The following DENND5B variants were observed in gnomAD, a reference collection of about 807,000 sequenced individuals.
The protein encoded by DENND5B is DENN domain containing 5B.
DENND5B carries 34 observed loss-of-function variants against 140.6 expected under a neutral mutation model. That is an observed-to-expected ratio of 0.24 (90% CI 0.18 to 0.32). The LOEUF (loss-of-function observed/expected upper bound fraction) is 0.32, where lower values mean the gene tolerates loss of function less well. DENND5B is among the 10% of genes least tolerant of loss of function. The pLI is 1.00. For missense variants in DENND5B, 1,142 were observed against 1,560.2 expected, an observed-to-expected ratio of 0.73 and a Z score of 4.52; for synonymous variants, 551 against 562.1, an observed-to-expected ratio of 0.98 and a Z score of 0.28.
intron 1 of DENND5B, among the ~76,000 whole-genome samples, chr12:31,508,905 T>C (rs1351728843): frequency 1.3e-5 from 2 of 152,160 alleles, no homozygotes; most frequent in Admixed American, 6.6e-5. Context: ...AGCTACTACC[T>C]AACGTACTTT....
chr12:31,422,522 A>C (rs1335559730), intron 11 of DENND5B, among the ~76,000 whole-genome samples: 1 of 152,062 alleles, frequency 6.6e-6, no homozygotes, highest in Non-Finnish European at 1.5e-5. Flanking sequence ...AATCACTTGA[A>C]CCTGGGAGGC....
At chr12:31,537,569 T>G (rs545714293) in intron 1 of DENND5B, among the ~76,000 whole-genome samples, 6 of 151,622 alleles carry the variant, frequency 4.0e-5, no homozygotes, top group South Asian at 2.1e-4. Flanking sequence ...ACAAGACCCA[T>G]AAAACAACCA....
chr12:31,551,010 G>A (rs1177053113), intron 1 of DENND5B, among the ~76,000 whole-genome samples: 5 of 152,022 alleles, frequency 3.3e-5, no homozygotes, highest in Non-Finnish European at 4.4e-5. Context: ...CATTTTGTAG[G>A]TTGCCTGTTC....
chr12:31,438,333 C>T (rs1246976444), intron 7 of DENND5B, among the ~76,000 whole-genome samples: 2 of 152,174 alleles, frequency 1.3e-5, no homozygotes, highest in Non-Finnish European at 2.9e-5. Flanking sequence ...ATTTTCTCAG[C>T]TCTTACCTAT....
intron 5 of DENND5B, 119 bp downstream of exon 5, chr12:31,451,821 T>C: frequency 2.4e-6 from 3 of 1,249,330 alleles, no homozygotes; most frequent in Non-Finnish European, 3.3e-6. Context: ...TTAAAAAAGG[T>C]TAACAAAATC....
chr12:31,418,367 C>T (rs1407775689), intron 11 of DENND5B, among the ~76,000 whole-genome samples: 1 of 149,952 alleles, frequency 6.7e-6, no homozygotes, highest in South Asian at 2.1e-4. Flanking sequence ...CTGCAGCCTC[C>T]ACCTCCGGGC....
chr12:31,569,806 T>C (rs1949754816), intron 1 of DENND5B, among the ~76,000 whole-genome samples: 1 of 151,430 alleles, frequency 6.6e-6, no homozygotes, highest in South Asian at 2.1e-4. Context: ...AGTGAGACTC[T>C]GTCTCAAAAA....
intron 1 of DENND5B, among the ~76,000 whole-genome samples, chr12:31,541,596 G>A (rs1948682125): frequency 1.3e-5 from 2 of 152,218 alleles, no homozygotes; most frequent in Non-Finnish European, 2.9e-5. Flanking sequence ...TAGACAGCTG[G>A]TGGGAATGTA....
chr12:31,427,026 C>A (rs1014268294), intron 8 of DENND5B, among the ~76,000 whole-genome samples: 10 of 152,116 alleles, frequency 6.6e-5, no homozygotes, highest in Admixed American at 3.3e-4. Flanking sequence ...AACATGCCCC[C>A]CTACCTCCCC....
At chr12:31,507,763 C>G (rs1420051815) in intron 1 of DENND5B, among the ~76,000 whole-genome samples, 1 of 152,100 alleles carries the variant, frequency 6.6e-6, no homozygotes, top group Admixed American at 6.6e-5. Context: ...TTCTGAAGAA[C>G]ATCTAAGTGA....
intron 5 of DENND5B, chr12:31,451,649 A>C (rs1415008134): frequency 2.9e-6 from 1 of 340,506 alleles, no homozygotes; most frequent in African/African-American, 2.2e-5. Context: ...AAGCATCTTT[A>C]AGGTAAAGAA....
chr12:31,540,395 T>C (rs1284799355), intron 1 of DENND5B, among the ~76,000 whole-genome samples: 1 of 152,206 alleles, frequency 6.6e-6, no homozygotes, highest in Non-Finnish European at 1.5e-5. Flanking sequence ...GCCTCATGCC[T>C]GCAATCCCAG....
At chr12:31,435,851 G>A (rs1031094927) in intron 7 of DENND5B, among the ~76,000 whole-genome samples, 1 of 151,992 alleles carries the variant, frequency 6.6e-6, no homozygotes, top group Admixed American at 6.6e-5. Context: ...AGTAGAGATG[G>A]GGTTTCACCA....
At chr12:31,505,740 G>A (rs192238844) in intron 1 of DENND5B, among the ~76,000 whole-genome samples, 1 of 151,812 alleles carries the variant, frequency 6.6e-6, no homozygotes, top group Non-Finnish European at 1.5e-5. Flanking sequence ...ATCTTGGAGG[G>A]GTCTCTGCAA....
At chr12:31,409,430 A>G in intron 13 of DENND5B, 46 bp from the exon 14 acceptor site, 1 of 1,390,394 alleles carries the variant, frequency 7.2e-7, no homozygotes, top group Non-Finnish European at 9.4e-7. Context: ...TCAAAGAAAA[A>G]AAAAAAAAAC....
chr12:31,452,163 T>C lies in DENND5B; in HGVS notation c.1406A>G (p.Glu469Gly), dbSNP rs201388384. 26 of 1,613,974 alleles carry C rather than the reference T, an allele frequency of 1.6e-5. No individual in the cohort carries two copies. Among genetic ancestry groups the C allele is most frequent in the Non-Finnish European group, 1.9e-5 (23 of 1,179,884 alleles). Residue 469 changes from glutamate to glycine, a missense_variant, in exon 5 of 21, where the codon GAA (glutamate) becomes GGA (glycine). This residue lies in a region of DENND5B where 708 missense variants were observed against 905.5 expected (regional missense o/e 0.78). Transcript: ENST00000389082. ...CAGAGAAGCAGAGAGGTCCATTTTTTCCACAGCCACACCAGTACGCTTGGC... is the reference window on the plus strand; with the variant it reads ...CAGAGAAGCAGAGAGGTCCATTTTTCCCACAGCCACACCAGTACGCTTGGC... ...ALAKRTGVAV[E>G]KMDLSASLGE...
chr12:31,558,149 AG>A (rs1592049029), intron 1 of DENND5B, among the ~76,000 whole-genome samples: 1 of 152,210 alleles, frequency 6.6e-6, no homozygotes, highest in East Asian at 1.9e-4. Flanking sequence ...TCAGACACTG[AG>A]CCCTTTCTAA....
intron 1 of DENND5B, among the ~76,000 whole-genome samples, chr12:31,524,690 A>G (rs940534633): frequency 6.8e-6 from 1 of 146,082 alleles, no homozygotes; most frequent in Non-Finnish European, 1.5e-5. Context: ...GAAATTTAAG[A>G]AAAAATAAAA....
At chr12:31,460,642 T>C (rs1400935902) in intron 3 of DENND5B, among the ~76,000 whole-genome samples, 1 of 152,214 alleles carries the variant, frequency 6.6e-6, no homozygotes, top group Non-Finnish European at 1.5e-5. Context: ...GACGAACTTA[T>C]ATTCTCTTAA....
Sources: allele counts gnomAD v4.1 joint callset (sites outside exome capture counted in the v4.1 genomes callset), GRCh38; gene constraint gnomAD v4.1.1; regional missense constraint gnomAD v4.1.1; transcripts MANE v1.5; gene names NCBI Gene and HGNC (gene_info 2026-07-23, HGNC 2026-07-21).